The following GRIN2A variants were observed in gnomAD, a reference collection of about 807,000 sequenced individuals.
The protein encoded by GRIN2A is glutamate ionotropic receptor NMDA type subunit 2A, also known as glutamate receptor ionotropic, NMDA 2A.
A neutral mutation model predicts 113.4 loss-of-function variants in GRIN2A; 22 were observed. The observed-to-expected ratio is 0.19, with a 90% CI of 0.14 to 0.28. The LOEUF (loss-of-function observed/expected upper bound fraction) is 0.28, where lower values mean the gene tolerates loss of function less well. Among genes scored for constraint, GRIN2A ranks in the 10% least tolerant of loss-of-function variants. GRIN2A has a pLI of 1.00. For missense variants in GRIN2A, 1,502 were observed against 1,887.0 expected (o/e 0.80, Z 3.78); for synonymous variants, 827 against 738.4 (o/e 1.12, Z -1.94).
chr16:10,112,757 C>T (rs1298389287), intron 2 of GRIN2A: 1 of 718,616 alleles, frequency 1.4e-6, no homozygotes, highest in African/African-American at 1.7e-5. Flanking sequence ...TGCCCTACCT[C>T]ATAGCGAGTA....
rs1900511314 is a variant in GRIN2A at position 9,760,052 on chromosome 16, T to G, written c.*3097A>C. 1 of 229,210 alleles carries G rather than the reference T, an allele frequency of 4.4e-6. No individual in the cohort carries two copies. Among genetic ancestry groups the G allele is most frequent in the Non-Finnish European group, 8.6e-6 (1 of 115,626 alleles). The allele number at this position is 229,210 out of a possible 1,614,324, so 14.2% of individuals were successfully genotyped here. A position where few individuals can be genotyped will look rare whatever the true frequency, so the allele number is the denominator to read the frequency against. On this transcript the variant is annotated 3_prime_UTR_variant, in exon 13 of 13. Transcript: ENST00000330684. ...TCAAGTGGGGAAAACCAATTAGAAT[T>G]AACAAAATATCATTATGGATGCCAG...
intron 2 of GRIN2A, among the ~76,000 whole-genome samples, chr16:10,016,441 A>G (rs1417756865): frequency 6.6e-6 from 1 of 152,064 alleles, no homozygotes; most frequent in African/African-American, 2.4e-5. Context: ...ATTGCCCCAC[A>G]GATTCACTGC....
intron 9 of GRIN2A, among the ~76,000 whole-genome samples, chr16:9,828,732 T>C (rs917125052): frequency 1.9e-4 from 29 of 152,094 alleles, no homozygotes; most frequent in African/African-American, 6.5e-4. Context: ...CACTGGAGAA[T>C]GAGAGAGCAG....
rs746978701 is a variant in GRIN2A at position 9,768,909 on chromosome 16, C to A, written c.2537G>T (p.Arg846Leu). Residue 846 changes from arginine to leucine, a missense_variant, in exon 12 of 13, where the codon CGC (arginine) becomes CTC (leucine). Physicochemically the swap from Arg to Leu is moderately radical, Grantham distance 102. Around this residue, in one of 7 missense-constraint regions of GRIN2A, gnomAD observed 832 missense variants for 789.7 expected, o/e 1.05. Transcript: ENST00000330684. The stretch of plus-strand genomic sequence containing the variant: ...GGAGCACACGCCCGTGAAACAGAAG[C>A]GCAGCTTCCAGTAGAAGAGGTGCTC... Reference protein sequence around the residue: ...IWEHLFYWKLRFCFTGVCSDR... With the variant: ...IWEHLFYWKLLFCFTGVCSDR... 6.2e-7 allele frequency: 1 copy of A among 1,614,172 alleles called. No homozygotes were observed. Among genetic ancestry groups the A allele is most frequent in the Non-Finnish European group, 8.5e-7 (1 of 1,180,008 alleles).
At chr16:9,911,957 A>T (rs1011805917) in intron 3 of GRIN2A, among the ~76,000 whole-genome samples, 1 of 152,208 alleles carries the variant, frequency 6.6e-6, no homozygotes, top group Non-Finnish European at 1.5e-5. Flanking sequence ...TTCACTCTGC[A>T]TCTTAGTTTT....
At chr16:9,770,289 T>A (rs1901189051) in intron 11 of GRIN2A, among the ~76,000 whole-genome samples, 1 of 152,214 alleles carries the variant, frequency 6.6e-6, no homozygotes, top group Non-Finnish European at 1.5e-5. Context: ...CTCTAAGATG[T>A]AATGGGGACA....
intron 2 of GRIN2A, among the ~76,000 whole-genome samples, chr16:10,109,445 A>G (rs1041547833): frequency 1.3e-5 from 2 of 152,298 alleles, no homozygotes; most frequent in East Asian, 3.9e-4. Context: ...CCCTGATTCC[A>G]AAACCAGAGG....
At chr16:9,869,685 T>C (rs1266847476) in intron 4 of GRIN2A, among the ~76,000 whole-genome samples, 2 of 152,316 alleles carry the variant, frequency 1.3e-5, no homozygotes, top group East Asian at 3.9e-4. Context: ...ATAGGAGTAA[T>C]CACATCATAT....
intron 2 of GRIN2A, among the ~76,000 whole-genome samples, chr16:10,094,664 G>T (rs1156984703): frequency 6.6e-6 from 1 of 151,890 alleles, no homozygotes; most frequent in Non-Finnish European, 1.5e-5. Context: ...TGGCCAGGCT[G>T]GTCTCAAACT....
intron 2 of GRIN2A, among the ~76,000 whole-genome samples, chr16:10,136,254 C>T (rs939086630): frequency 6.6e-6 from 1 of 152,130 alleles, no homozygotes; most frequent in Non-Finnish European, 1.5e-5. Flanking sequence ...CCAGCACACA[C>T]AAACACACAC....
intron 5 of GRIN2A, among the ~76,000 whole-genome samples, chr16:9,845,913 G>A (rs1305867280): frequency 6.6e-6 from 1 of 152,202 alleles, no homozygotes; most frequent in African/African-American, 2.4e-5. Context: ...TGATGGAAAG[G>A]TCCTAGTCTT....
intron 2 of GRIN2A, among the ~76,000 whole-genome samples, chr16:10,082,507 G>T (rs1398193313): frequency 1.3e-5 from 2 of 152,216 alleles, no homozygotes; most frequent in African/African-American, 4.8e-5. Flanking sequence ...AGATTTTGAA[G>T]ATATCATTAA....
At chr16:10,117,315 G>A (rs890329134) in intron 2 of GRIN2A, among the ~76,000 whole-genome samples, 9 of 152,126 alleles carry the variant, frequency 5.9e-5, no homozygotes, top group African/African-American at 1.9e-4. Flanking sequence ...CTTTAGAGAC[G>A]CATATTGAAA....
At chr16:9,799,108 T>C (rs1167491420) in intron 10 of GRIN2A, among the ~76,000 whole-genome samples, 1 of 152,224 alleles carries the variant, frequency 6.6e-6, no homozygotes, top group African/African-American at 2.4e-5. Context: ...GCAAACTTTC[T>C]TCTATAAAGA....
intron 2 of GRIN2A, among the ~76,000 whole-genome samples, chr16:10,123,544 C>CTTACT (rs1567315274): frequency 6.6e-6 from 1 of 152,126 alleles, no homozygotes; most frequent in Non-Finnish European, 1.5e-5. Context: ...GAAAATGGCA[C>CTTACT]TTACTTTATA....
chr16:10,136,254 C>A (rs939086630), intron 2 of GRIN2A, among the ~76,000 whole-genome samples: 1 of 152,130 alleles, frequency 6.6e-6, no homozygotes, highest in Non-Finnish European at 1.5e-5. Context: ...CCAGCACACA[C>A]AAACACACAC....
intron 2 of GRIN2A, among the ~76,000 whole-genome samples, chr16:10,117,445 A>ATAG (rs1468583054): frequency 6.6e-6 from 1 of 152,214 alleles, no homozygotes; most frequent in Admixed American, 6.5e-5. Flanking sequence ...GATGGTGAGT[A>ATAG]TAGGAGAGTT....
chr16:10,023,042 T>C (rs147021510), intron 2 of GRIN2A, among the ~76,000 whole-genome samples: 2 of 152,306 alleles, frequency 1.3e-5, no homozygotes, highest in Admixed American at 1.3e-4. Context: ...TTAACTTTCT[T>C]GCTTAAACAA....
At chr16:9,860,508 G>A (rs558832290) in intron 4 of GRIN2A, among the ~76,000 whole-genome samples, 1 of 151,252 alleles carries the variant, frequency 6.6e-6, no homozygotes, top group Non-Finnish European at 1.5e-5. Flanking sequence ...CTGTTATGGG[G>A]TTTTATCTTT....
Sources: allele counts gnomAD v4.1 joint callset (sites outside exome capture counted in the v4.1 genomes callset), GRCh38; gene constraint gnomAD v4.1.1; regional missense constraint gnomAD v4.1.1; transcripts MANE v1.5; gene names NCBI Gene and HGNC (gene_info 2026-07-23, HGNC 2026-07-21).